USP39: variants seen among roughly 807,000 people sequenced by gnomAD.
USP39 encodes ubiquitin carboxyl-terminal hydrolase 39.
A neutral mutation model predicts 66.4 loss-of-function variants in USP39; 38 were observed. The observed-to-expected ratio is 0.57, with a 90% CI of 0.44 to 0.75. The LOEUF (loss-of-function observed/expected upper bound fraction) is 0.75, where lower values mean the gene tolerates loss of function less well. USP39 is among the 30% of genes least tolerant of loss of function. The pLI is 0.00. For synonymous variants in USP39, 303 were observed against 274.6 expected, an observed-to-expected ratio of 1.10 and a Z score of -1.02; for missense variants, 608 against 714.4, an observed-to-expected ratio of 0.85 and a Z score of 1.70.
upstream of USP39, chr2:85,608,940 CA>C (rs771305086): frequency 6.2e-7 from 1 of 1,614,096 alleles, no homozygotes. Context: ...ACGCCTTCAA[CA>C]TGGTCAGTGT....
chr2:85,644,929 T>C lies in USP39; in HGVS notation c.1428-19T>C, dbSNP rs2104358686. 8 of 1,613,762 alleles carry C rather than the reference T, an allele frequency of 5.0e-6. No homozygotes were observed. Among genetic ancestry groups the C allele is most frequent in the Non-Finnish European group, 5.9e-6 (7 of 1,179,794 alleles). ...CAGCCTTTGTCTGATTATTCCGGCT[T>C]TATTTTAACCATTAACAGAAATGTG... On this transcript the variant is annotated intron_variant, in intron 10 of 12. Transcript: ENST00000323701.
upstream of USP39, among the ~76,000 whole-genome samples, chr2:85,609,968 A>T (rs1358328032): frequency 2.0e-5 from 3 of 149,862 alleles, no homozygotes; most frequent in Non-Finnish European, 4.4e-5. Context: ...GGCGTGAGCC[A>T]CTGCACCCAG....
intron 11 of USP39, among the ~76,000 whole-genome samples, 151 bp from the exon 12 acceptor site, chr2:85,647,776 CAGA>C (rs551032360): frequency 2.3e-4 from 35 of 152,246 alleles, no homozygotes; most frequent in African/African-American, 8.4e-4. Flanking sequence ...GAATCATGGC[CAGA>C]AGAAGTCATG....
chr2:85,633,280 C>T (rs1482246030), intron 6 of USP39, among the ~76,000 whole-genome samples: 1 of 152,084 alleles, frequency 6.6e-6, no homozygotes, highest in Non-Finnish European at 1.5e-5. Context: ...ACCACCATAC[C>T]TGGCTAATTT....
chr2:85,643,317 C>G (rs1035870379), intron 10 of USP39, among the ~76,000 whole-genome samples: 1 of 151,850 alleles, frequency 6.6e-6, no homozygotes, highest in South Asian at 2.1e-4. Context: ...GGTGAAACCC[C>G]GTCTCTACTA....
chr2:85,609,090 G>A (rs2104145389), upstream of USP39: 1 of 1,613,418 alleles, frequency 6.2e-7, no homozygotes, highest in East Asian at 2.2e-5. Flanking sequence ...AGAGTCAGAA[G>A]GCTCAGGGCC....
chr2:85,611,200 T>C (rs1673497553), upstream of USP39: 1 of 1,142,506 alleles, frequency 8.8e-7, no homozygotes, highest in South Asian at 2.0e-5. Context: ...AGAGACCTAG[T>C]CTCAAAAATA....
At chr2:85,633,133 T>C (rs901293015) in intron 6 of USP39, among the ~76,000 whole-genome samples, 13 of 152,062 alleles carry the variant, frequency 8.5e-5, no homozygotes, top group African/African-American at 2.4e-4. Flanking sequence ...GCTTTTATTT[T>C]TTTTTGAGAT....
chr2:85,612,036 C>T, upstream of USP39: 1 of 1,307,198 alleles, frequency 7.6e-7, no homozygotes, highest in Non-Finnish European at 1.0e-6. Context: ...CAACAACAGC[C>T]ACCCGCCCAC....
chr2:85,618,374 C>T (rs1235115260), intron 1 of USP39, among the ~76,000 whole-genome samples: 1 of 151,768 alleles, frequency 6.6e-6, no homozygotes, highest in Non-Finnish European at 1.5e-5. Context: ...CCAGCCTGGC[C>T]AACATGGTGA....
At chr2:85,617,833 C>T (rs1674113463) in intron 1 of USP39, among the ~76,000 whole-genome samples, 1 of 152,160 alleles carries the variant, frequency 6.6e-6, no homozygotes, top group South Asian at 2.1e-4. Context: ...GCCAGGTAGT[C>T]ACATGCTTTC....
In USP39 at chr2:85,644,677, C is replaced by T. The variant is rs886839880; in HGVS notation, c.1428-271C>T. Among the ~76,000 whole-genome samples, 10 of 152,122 alleles carry T rather than the reference C, an allele frequency of 6.6e-5. No homozygotes were observed. The East Asian group carries it at 1.7e-3, about 26-fold the overall frequency. On this transcript the variant is annotated intron_variant, in intron 10 of 12. Coordinates refer to ENST00000323701, the MANE Select transcript of USP39 (RefSeq NM_006590.4). ...GGCTCAAGCAGTCCTCCTACCTTGA[C>T]CTCTCAAAGTGTTGGGATTATAGGT...
chr2:85,645,490 G>A (rs1044712890), intron 11 of USP39, among the ~76,000 whole-genome samples: 13 of 152,172 alleles, frequency 8.5e-5, no homozygotes, highest in African/African-American at 3.1e-4. Context: ...TACGATCTTG[G>A]CCAGGCCAGT....
intron 1 of USP39, among the ~76,000 whole-genome samples, chr2:85,606,478 T>G (rs1376720132): frequency 1.3e-5 from 2 of 152,216 alleles, no homozygotes; most frequent in African/African-American, 4.8e-5. Context: ...GTTAACTGGC[T>G]AAGGGCCATC....
intron 1 of USP39, chr2:85,606,508 C>T (rs183321533): frequency 5.9e-5 from 9 of 152,346 alleles, no homozygotes; most frequent in African/African-American, 2.2e-4. Context: ...GCATTTCAGA[C>T]ACATCTGTAG....
intron 12 of USP39, 116 bp downstream of exon 12, chr2:85,648,132 C>T: frequency 9.7e-7 from 1 of 1,036,186 alleles, no homozygotes; most frequent in Non-Finnish European, 1.4e-6. Flanking sequence ...GGGCCAGGTA[C>T]CTATTGGGAA....
rs772132448 is a variant in USP39, at chr2:85,616,389, C to T, written c.194C>T (p.Ser65Phe). The T allele has an allele frequency of 8.7e-6, 14 of 1,603,924 alleles. No individual in the cohort carries two copies. The East Asian group carries it at 1.3e-4, about 15-fold the overall frequency. The change falls in exon 1 of 13, where the codon TCT (serine) becomes TTT (phenylalanine). Residue 65 changes from serine (S) to phenylalanine (F), a missense_variant. Physicochemically the swap from Ser to Phe is radical, Grantham distance 155. Around this residue, in one of 6 missense-constraint regions of USP39, gnomAD observed 207 missense variants for 145.7 expected, o/e 1.42. Transcript: ENST00000323701. ...EPASAREAPA[S>F]VVPFVRVKRE... ...GCGAGCGCGCGCGAGGCCCCGGCTT[C>T]TGTTGTCCCGTTTGTGCGGGTGAAG...
intron 5 of USP39, among the ~76,000 whole-genome samples, chr2:85,627,670 A>C (rs1440692363): frequency 6.6e-6 from 1 of 151,730 alleles, no homozygotes; most frequent in Non-Finnish European, 1.5e-5. Context: ...TGGTGCATGC[A>C]TGCCTGTGGT....
chr2:85,618,454 C>A (rs559188246), intron 1 of USP39, among the ~76,000 whole-genome samples: 2 of 149,842 alleles, frequency 1.3e-5, no homozygotes, highest in African/African-American at 4.9e-5. Flanking sequence ...CCCAGCTACT[C>A]GGGAGGCTGA....
Sources: allele counts gnomAD v4.1 joint callset (sites outside exome capture counted in the v4.1 genomes callset), GRCh38; gene constraint gnomAD v4.1.1; regional missense constraint gnomAD v4.1.1; transcripts MANE v1.5; gene names NCBI Gene and HGNC (gene_info 2026-07-23, HGNC 2026-07-21).